DOCK8: variants seen among roughly 807,000 people sequenced by gnomAD.
DOCK8 encodes dedicator of cytokinesis 8.
Under a neutral mutation model 245.6 loss-of-function variants are expected in DOCK8, and 141 were observed. The observed-to-expected ratio is 0.57, with a 90% confidence interval of 0.50 to 0.66. The LOEUF is 0.66. Among genes scored for constraint, DOCK8 ranks in the 30% least tolerant of loss-of-function variants. The pLI, the probability that DOCK8 is intolerant of heterozygous loss-of-function variation, is 0.00. For synonymous variants in DOCK8, 1,168 were observed against 970.2 expected, an observed-to-expected ratio of 1.20 and a Z score of -3.79; for missense variants, 2,965 against 2,603.4, an observed-to-expected ratio of 1.14 and a Z score of -3.02.
chr9:327,013 C>T (rs779066801), intron 8 of DOCK8, among the ~76,000 whole-genome samples: 2 of 152,194 alleles, frequency 1.3e-5, no homozygotes, highest in Non-Finnish European at 1.5e-5. Context: ...TCACATCATG[C>T]TCTTGCTCAG....
intron 3 of DOCK8, among the ~76,000 whole-genome samples, chr9:287,979 G>A (rs1356187225): frequency 6.6e-6 from 1 of 151,776 alleles, no homozygotes; most frequent in African/African-American, 2.4e-5. Flanking sequence ...TTTGAGTTCA[G>A]CCTGGGTAAA....
At chr9:318,586 C>A (rs2050450163) in intron 7 of DOCK8, among the ~76,000 whole-genome samples, 1 of 152,238 alleles carries the variant, frequency 6.6e-6, no homozygotes, top group South Asian at 2.1e-4. Context: ...TAGTCTCCTC[C>A]CGCTGGCCAG....
At chr9:347,484 C>CTGTT (rs1313404161) in intron 14 of DOCK8, among the ~76,000 whole-genome samples, 1 of 152,124 alleles carries the variant, frequency 6.6e-6, no homozygotes, top group East Asian at 1.9e-4. Context: ...CCAGCCTGGG[C>CTGTT]AACAGAGTGA....
chr9:263,659 A>G (rs1401040074), intron 1 of DOCK8, among the ~76,000 whole-genome samples: 1 of 151,932 alleles, frequency 6.6e-6, no homozygotes, highest in Non-Finnish European at 1.5e-5. Flanking sequence ...AATTCTCTCC[A>G]TTTTTGTTTA....
chr9:412,597 A>C (rs1448437900), intron 28 of DOCK8, among the ~76,000 whole-genome samples: 1 of 152,172 alleles, frequency 6.6e-6, no homozygotes, highest in African/African-American at 2.4e-5. Flanking sequence ...TACAAGAATC[A>C]ATTGTGTTTC....
chr9:220,826 T>G, intron 1 of DOCK8: 1 of 347,778 alleles, frequency 2.9e-6, no homozygotes, highest in Non-Finnish European at 5.6e-6. Flanking sequence ...ATTCAAGCGA[T>G]TCTCCTGCCT....
chr9:281,736 T>C (rs570774305), intron 2 of DOCK8, among the ~76,000 whole-genome samples: 32 of 152,326 alleles, frequency 2.1e-4, no homozygotes, highest in African/African-American at 7.5e-4. Context: ...GAAATCTTTT[T>C]TAGTTCCTGG....
intron 1 of DOCK8, among the ~76,000 whole-genome samples, chr9:265,506 T>G (rs1230293303): frequency 2.0e-5 from 3 of 152,184 alleles, no homozygotes; most frequent in African/African-American, 7.2e-5. Context: ...CAAGAGTAAA[T>G]TATATATTTG....
chr9:307,211 A>C (rs1260727941), intron 5 of DOCK8, among the ~76,000 whole-genome samples: 1 of 152,180 alleles, frequency 6.6e-6, no homozygotes, highest in Non-Finnish European at 1.5e-5. Context: ...ATCAAAGAAC[A>C]AGGCATAAAA....
chr9:348,068 G>T (rs922898507), intron 14 of DOCK8, among the ~76,000 whole-genome samples: 1 of 151,804 alleles, frequency 6.6e-6, no homozygotes, highest in Non-Finnish European at 1.5e-5. Flanking sequence ...TCATTTTTTC[G>T]CAAAGGATTT....
chr9:297,714 C>G (rs192604346), intron 4 of DOCK8, among the ~76,000 whole-genome samples: 98 of 152,264 alleles, frequency 6.4e-4, no homozygotes, highest in African/African-American at 2.2e-3. Context: ...TGTTTGCCAA[C>G]CCTTGTCCTC....
chr9:406,461 T>C, intron 27 of DOCK8, among the ~76,000 whole-genome samples: 1 of 133,826 alleles, frequency 7.5e-6, no homozygotes, highest in African/African-American at 3.0e-5. Context: ...CAATCCAGCC[T>C]GGGTAACAGA....
chr9:417,948 A>T, intron 29 of DOCK8, 120 bp from the exon 30 acceptor site: 1 of 1,272,814 alleles, frequency 7.9e-7, no homozygotes, highest in East Asian at 2.5e-5. Flanking sequence ...AATGCTAAAC[A>T]TCAGGTTTGA....
Position 339,427 on chromosome 9 carries a change from G to A in DOCK8, c.1516+328G>A, listed in dbSNP as rs2051470331. Among the ~76,000 whole-genome samples the A allele has an allele frequency of 1.3e-5, 2 of 152,154 alleles. 1 individual carries two copies. Among genetic ancestry groups the A allele is most frequent in the South Asian group, 4.1e-4 (2 of 4,830 alleles). ...TAAAAAAGTAAATGTGAGATGCTTT[G>A]GTAGAAGGCAAAGGCATCTTCCTTA... On this transcript the variant is annotated intron_variant, in intron 13 of 47. Transcript: ENST00000432829.
At position 464,597 on chromosome 9, in the gene DOCK8, G is replaced by A. The variant is rs544124760; in HGVS notation, c.*378G>A. 3.0e-4 allele frequency: 80 copies of A among 269,482 alleles called. No individual in the cohort carries two copies. Among genetic ancestry groups the A allele is most frequent in the Middle Eastern group, 1.4e-3 (1 of 728 alleles). The allele number at this position is 269,482 out of a possible 1,614,324, so 16.7% of individuals were successfully genotyped here. A position where few individuals can be genotyped will look rare whatever the true frequency, so the allele number is the denominator to read the frequency against. ...TTTATTGGAGTAACTCAAATTGCCT[G>A]AGGAAAAATGGAAAAATTATCCACC... On this transcript the variant is annotated 3_prime_UTR_variant, in exon 48 of 48. Transcript: ENST00000432829.
In DOCK8 at chr9:307,442, T is replaced by A. The variant is rs564399549; in HGVS notation, c.528+2738T>A. Among the ~76,000 whole-genome samples, 20 of 134,760 alleles carry A rather than the reference T, an allele frequency of 1.5e-4. No homozygotes were observed. The Admixed American group carries it at 1.6e-3, about 11-fold the overall frequency. 88.4% of individuals were successfully genotyped at this position (134,760 alleles called of 152,430 possible). On this transcript the variant is annotated intron_variant, in intron 5 of 47. Coordinates refer to ENST00000432829, the MANE Select transcript of DOCK8 (RefSeq NM_203447.4). ...GGCATGATCTCGGCTCACTACAACCTCCGCCTCCCAAGTTCAAGCGATTCT... is the reference window on the plus strand; with the variant it reads ...GGCATGATCTCGGCTCACTACAACCACCGCCTCCCAAGTTCAAGCGATTCT...
intron 12 of DOCK8, among the ~76,000 whole-genome samples, chr9:337,367 A>G (rs1261397050): frequency 6.6e-5 from 10 of 152,354 alleles, no homozygotes; most frequent in African/African-American, 2.4e-4. Context: ...TAAGTGCTCA[A>G]TGAATGTTAG....
In DOCK8 at chr9:325,656, CT is replaced by C; in HGVS notation, c.828-14del. 6.2e-7 allele frequency: 1 copy of C among 1,611,958 alleles called. No homozygotes were observed. The highest frequency in any genetic ancestry group is 8.5e-7 in the Non-Finnish European group (1 of 1,178,022). On this transcript the variant is annotated splice_polypyrimidine_tract_variant and intron_variant, in intron 7 of 47. Transcript: ENST00000432829. ...AACTCAAAGCCACATAGATTTTCCT[CT>C]CTTTCTATGGTAGGTTCGAGATTGA...
intron 46 of DOCK8, among the ~76,000 whole-genome samples, chr9:462,062 C>A (rs1266639639): frequency 1.3e-5 from 2 of 149,690 alleles, no homozygotes; most frequent in African/African-American, 4.9e-5. Flanking sequence ...TTTATTATCT[C>A]TAATTCTTAT....
Sources: allele counts gnomAD v4.1 joint callset (sites outside exome capture counted in the v4.1 genomes callset), GRCh38; gene constraint gnomAD v4.1.1; transcripts MANE v1.5; gene names NCBI Gene and HGNC (gene_info 2026-07-23, HGNC 2026-07-21).